RIMS2: variants seen among roughly 807,000 people sequenced by gnomAD.
RIMS2 encodes the protein regulating synaptic membrane exocytosis 2.
Under a neutral mutation model 174.4 loss-of-function variants are expected in RIMS2, and 59 were observed. That is an observed-to-expected ratio of 0.34 (90% CI 0.27 to 0.42). RIMS2 has a LOEUF of 0.42. Ranked by LOEUF, RIMS2 falls within the 10% of genes least tolerant of loss-of-function variation. The pLI, the probability that RIMS2 is intolerant of heterozygous loss-of-function variation, is 1.00. For missense variants in RIMS2, 1,620 were observed against 1,666.3 expected (o/e 0.97, Z 0.48); for synonymous variants, 606 against 572.5 (o/e 1.06, Z -0.84).
At chr8:104,204,142 A>T (rs539806707) in intron 19 of RIMS2, among the ~76,000 whole-genome samples, 1 of 152,244 alleles carries the variant, frequency 6.6e-6, no homozygotes, top group Admixed American at 6.5e-5. Flanking sequence ...ACTTGGCCAT[A>T]AAACCTGTGG....
intron 1 of RIMS2, among the ~76,000 whole-genome samples, chr8:103,567,491 T>C (rs2092456808): frequency 6.6e-6 from 1 of 152,256 alleles, no homozygotes; most frequent in South Asian, 2.1e-4. Context: ...TGTCGTAACA[T>C]GTATAGTACT....
At chr8:104,172,910 C>T (rs1387225762) in intron 19 of RIMS2, among the ~76,000 whole-genome samples, 1 of 152,158 alleles carries the variant, frequency 6.6e-6, no homozygotes, top group Non-Finnish European at 1.5e-5. Flanking sequence ...TTTCCAAACT[C>T]CAAAAGGAGT....
chr8:103,855,085 G>A (rs954376138), intron 3 of RIMS2, among the ~76,000 whole-genome samples: 6 of 151,724 alleles, frequency 4.0e-5, no homozygotes, highest in African/African-American at 9.7e-5. Context: ...ATTCAGTCTC[G>A]GGAGATTGTG....
intron 3 of RIMS2, among the ~76,000 whole-genome samples, chr8:103,796,849 G>A (rs1187474089): frequency 6.6e-6 from 1 of 152,198 alleles, no homozygotes; most frequent in Admixed American, 6.5e-5. Flanking sequence ...TCCAGGTTGT[G>A]TGCAGCAGAA....
intron 1 of RIMS2, among the ~76,000 whole-genome samples, chr8:103,650,807 C>G (rs1338175149): frequency 6.6e-6 from 1 of 152,176 alleles, no homozygotes; most frequent in Non-Finnish European, 1.5e-5. Context: ...TGGTGGTCAC[C>G]CATCCCCCTG....
intron 3 of RIMS2, among the ~76,000 whole-genome samples, chr8:103,822,583 GA>G (rs924621107): frequency 6.6e-6 from 1 of 151,738 alleles, no homozygotes; most frequent in Non-Finnish European, 1.5e-5. Flanking sequence ...TTTTCATACT[GA>G]AAGTGTTTAG....
chr8:103,782,343 G>T (rs2098399567), intron 3 of RIMS2, among the ~76,000 whole-genome samples: 1 of 151,680 alleles, frequency 6.6e-6, no homozygotes, highest in Admixed American at 6.6e-5. Context: ...TTTAGTGTAT[G>T]TGTCATATTT....
At chr8:103,918,446 T>C (rs780451219) in exon 9 of RIMS2, 3 of 1,574,768 alleles carry the variant, frequency 1.9e-6, no homozygotes, top group Non-Finnish European at 2.6e-6. Flanking sequence ...TTCAGAGATA[T>C]ACCGCGAATA....
intron 1 of RIMS2, among the ~76,000 whole-genome samples, chr8:103,641,997 T>G: frequency 6.9e-6 from 1 of 145,560 alleles, no homozygotes; most frequent in East Asian, 2.0e-4. Flanking sequence ...TTTTCATCCA[T>G]TCTGATATTC....
chr8:103,570,179 A>T (rs2092704000), intron 1 of RIMS2, among the ~76,000 whole-genome samples: 1 of 152,090 alleles, frequency 6.6e-6, no homozygotes, highest in African/African-American at 2.4e-5. Flanking sequence ...TCATTATACA[A>T]TGTACTTCTA....
chr8:104,200,943 T>A (rs1666964637), intron 19 of RIMS2, among the ~76,000 whole-genome samples: 1 of 152,176 alleles, frequency 6.6e-6, no homozygotes. Flanking sequence ...CTAGCCAATG[T>A]GTACTAAAAC....
chr8:103,904,674 A>C (rs2073988914), intron 4 of RIMS2, among the ~76,000 whole-genome samples: 1 of 152,026 alleles, frequency 6.6e-6, no homozygotes, highest in South Asian at 2.1e-4. Context: ...TTTACATGTC[A>C]CTGGATTCTC....
intron 19 of RIMS2, among the ~76,000 whole-genome samples, chr8:104,178,188 G>C (rs539941134): frequency 5.9e-5 from 9 of 152,172 alleles, no homozygotes; most frequent in African/African-American, 2.2e-4. Context: ...GGTGCTGGCA[G>C]GACTACATTC....
intron 13 of RIMS2, among the ~76,000 whole-genome samples, chr8:103,940,083 C>A (rs1488587911): frequency 2.0e-5 from 3 of 152,198 alleles, no homozygotes; most frequent in African/African-American, 7.2e-5. Flanking sequence ...AGCACTTCCA[C>A]ATTTTCAGGT....
intron 1 of RIMS2, among the ~76,000 whole-genome samples, chr8:103,629,220 C>A (rs1422813773): frequency 1.5e-4 from 23 of 152,156 alleles, no homozygotes; most frequent in Admixed American, 1.5e-3. Flanking sequence ...GCCAGAATAC[C>A]ATATCCTCTC....
chr8:103,543,197 C>T (rs952639024), intron 1 of RIMS2, among the ~76,000 whole-genome samples: 1 of 152,108 alleles, frequency 6.6e-6, no homozygotes, highest in East Asian at 1.9e-4. Context: ...TCAACCTACA[C>T]AAATCAGTAG....
chr8:104,187,833 TA>T (rs963277507), intron 19 of RIMS2, among the ~76,000 whole-genome samples: 33 of 151,880 alleles, frequency 2.2e-4, no homozygotes, highest in Admixed American at 2.6e-4. Context: ...AAGCTTGGTA[TA>T]AAAAAATGTT....
chr8:103,717,138 C>CTTTTTTTT lies in RIMS2; in HGVS notation c.387+19855_387+19862dup, dbSNP rs11373218. Among the ~76,000 whole-genome samples, 444 of 112,790 alleles carry CTTTTTTTT rather than the reference C, an allele frequency of 3.9e-3. 1 individual carries two copies. Among genetic ancestry groups the CTTTTTTTT allele is most frequent in the African/African-American group, 7.2e-3 (216 of 30,050 alleles). The allele number at this position is 112,790 out of a possible 152,430, so 74.0% of individuals were successfully genotyped here. A position where few individuals can be genotyped will look rare whatever the true frequency, so the allele number is the denominator to read the frequency against. On this transcript the variant is annotated intron_variant, in intron 2 of 23. Coordinates refer to ENST00000504942, the Ensembl canonical transcript of RIMS2. Reference sequence around the variant, plus strand: ...GCTGATAGTTTCTAAATAGTGCCTTCTTTTTTTTTTTTTTTTTTTTCTTTT... The same window carrying CTTTTTTTT: ...GCTGATAGTTTCTAAATAGTGCCTTCTTTTTTTTTTTTTTTTTTTTTTTTTTTTCTTTT...
intron 13 of RIMS2, among the ~76,000 whole-genome samples, chr8:103,940,172 C>G: frequency 6.6e-6 from 1 of 152,038 alleles, no homozygotes; most frequent in Middle Eastern, 3.2e-3. Flanking sequence ...TAAAGACATT[C>G]TTGAGACTGG....
Sources: allele counts gnomAD v4.1 joint callset (sites outside exome capture counted in the v4.1 genomes callset), GRCh38; gene constraint gnomAD v4.1.1; transcripts MANE v1.5; gene names NCBI Gene and HGNC (gene_info 2026-07-23, HGNC 2026-07-21).